EPB41L4B: variants seen among roughly 807,000 people sequenced by gnomAD.
EPB41L4B encodes the protein erythrocyte membrane protein band 4.1 like 4B, also known as band 4.1-like protein 4B.
A neutral mutation model predicts 112.5 loss-of-function variants in EPB41L4B; 30 were observed. The observed-to-expected ratio is 0.27, with a 90% CI of 0.20 to 0.36. The LOEUF (loss-of-function observed/expected upper bound fraction) is 0.36, where lower values mean the gene tolerates loss of function less well. Among genes scored for constraint, EPB41L4B ranks in the 10% least tolerant of loss-of-function variants. EPB41L4B has a pLI of 1.00. For missense variants in EPB41L4B, 1,024 were observed against 1,133.3 expected (o/e 0.90, Z 1.38); for synonymous variants, 408 against 439.7 (o/e 0.93, Z 0.90).
At chr9:109,189,651 G>A (rs565267948) in intron 22 of EPB41L4B, among the ~76,000 whole-genome samples, 16 of 151,974 alleles carry the variant, frequency 1.1e-4, no homozygotes, top group Non-Finnish European at 8.8e-5. Flanking sequence ...TTTTGGAGAC[G>A]GAGTTTCACT....
intron 24 of EPB41L4B, among the ~76,000 whole-genome samples, chr9:109,180,396 C>T (rs1446389494): frequency 2.0e-5 from 3 of 152,140 alleles, no homozygotes; most frequent in Admixed American, 1.3e-4. Flanking sequence ...GAGGTGGAGC[C>T]GGAGCTTCCA....
At chr9:109,181,888 A>G (rs1832071002) in intron 24 of EPB41L4B, among the ~76,000 whole-genome samples, 1 of 152,090 alleles carries the variant, frequency 6.6e-6, no homozygotes, top group Non-Finnish European at 1.5e-5. Flanking sequence ...TGCAGTATAT[A>G]GATACAATGG....
At chr9:109,240,260 T>C (rs1834306861) in intron 15 of EPB41L4B, 1 of 985,056 alleles carries the variant, frequency 1.0e-6, no homozygotes, top group Non-Finnish European at 1.2e-6. Flanking sequence ...GCACATACAC[T>C]GAGCATCAGA....
rs533151156 is a variant in EPB41L4B at position 109,216,445 on chromosome 9, A to G, written c.1633+477T>C. ...CACCTGAAGTCAGGAGTTTGAGACC[A>G]GCCTGGCCAACATAGTCAAAATCTG... On this transcript the variant is annotated intron_variant, in intron 16 of 25. Coordinates refer to ENST00000374566, the MANE Select transcript of EPB41L4B (RefSeq NM_019114.5). 3.3e-5 allele frequency among the ~76,000 whole-genome samples: 5 copies of G among 152,318 alleles called. No individual in the cohort carries two copies. In the South Asian group the frequency reaches 1.0e-3, roughly 32 times the overall value.
intron 15 of EPB41L4B, among the ~76,000 whole-genome samples, chr9:109,229,410 T>C (rs1416119233): frequency 6.6e-6 from 1 of 152,172 alleles, no homozygotes; most frequent in Non-Finnish European, 1.5e-5. Context: ...GGAAATGCAA[T>C]GAACTTCCCC....
intron 17 of EPB41L4B, among the ~76,000 whole-genome samples, chr9:109,212,445 C>A (rs569337213): frequency 1.3e-5 from 2 of 152,038 alleles, no homozygotes; most frequent in Admixed American, 1.3e-4. Flanking sequence ...TTCTCTCTAG[C>A]TGGCAATCAT....
chr9:109,306,329 G>A (rs1476065730), intron 1 of EPB41L4B, among the ~76,000 whole-genome samples: 1 of 152,032 alleles, frequency 6.6e-6, no homozygotes, highest in Non-Finnish European at 1.5e-5. Context: ...AAAACATTCT[G>A]GGCCAGGCGT....
At chr9:109,183,293 T>C (rs112799892) in intron 23 of EPB41L4B, among the ~76,000 whole-genome samples, 1,903 of 152,260 alleles carry the variant, frequency 0.012, 16 homozygotes, top group Middle Eastern at 0.041. Context: ...TAGAAAGTAT[T>C]CCCTGTCTAA....
At chr9:109,209,991 C>T (rs1284710195) in intron 17 of EPB41L4B, among the ~76,000 whole-genome samples, 1 of 152,072 alleles carries the variant, frequency 6.6e-6, no homozygotes, top group Non-Finnish European at 1.5e-5. Flanking sequence ...GAATCTGTTT[C>T]TTTCTTCATA....
rs199655469 is a variant in EPB41L4B at position 109,241,785 on chromosome 9, C to A, written c.1409+1833G>T. ...CTCCACTGGCCGATGCTTTCCAATG[C>A]GACCTGTCATCCTGAAAGGATGGCC... On this transcript the variant is annotated intron_variant, in intron 15 of 25. Transcript: ENST00000374566. The A allele has an allele frequency of 6.2e-6, 10 of 1,614,000 alleles. No individual in the cohort carries two copies. In the East Asian group the frequency reaches 6.7e-5, roughly 11 times the overall value.
chr9:109,293,292 T>C (rs527475032), intron 1 of EPB41L4B, among the ~76,000 whole-genome samples: 1 of 152,186 alleles, frequency 6.6e-6, no homozygotes, highest in African/African-American at 2.4e-5. Context: ...ATTTAAAAAA[T>C]GTTTCTTCTT....
chr9:109,221,259 AAAGG>A (rs1833563147), intron 15 of EPB41L4B, among the ~76,000 whole-genome samples: 1 of 152,150 alleles, frequency 6.6e-6, no homozygotes, highest in African/African-American at 2.4e-5. Flanking sequence ...AGGAAGAATG[AAAGG>A]AAGGATGGAT....
In EPB41L4B at chr9:109,255,526, G is replaced by C; in HGVS notation, c.1154C>G (p.Ser385Cys). Reference protein sequence around the residue: ...SNRSDFIRLGSRFRFSGRTEY... With the variant: ...SNRSDFIRLGCRFRFSGRTEY... ...GGCTCCCTACCTGAATCTGAAGCGA[G>C]AGCCCAGCCTGATAAAGTCGGATCT... The change falls in exon 11 of 26, where the codon TCT becomes TGT. Residue 385 changes from serine to cysteine, a missense_variant. Physicochemically the swap from Ser to Cys is moderately radical, Grantham distance 112. Coordinates refer to ENST00000374566, the MANE Select transcript of EPB41L4B (RefSeq NM_019114.5). The C allele has an allele frequency of 6.2e-7, 1 of 1,614,130 alleles. No individual in the cohort carries two copies. Among genetic ancestry groups the C allele is most frequent in the South Asian group, 1.1e-5 (1 of 91,078 alleles).
intron 1 of EPB41L4B, among the ~76,000 whole-genome samples, chr9:109,317,310 C>T (rs1188537047): frequency 2.0e-5 from 3 of 152,174 alleles, no homozygotes; most frequent in Admixed American, 6.5e-5. Context: ...GAAGTCCTTC[C>T]GATTCCCCCA....
In EPB41L4B at chr9:109,282,651, C is replaced by T. The variant is rs1002268694; in HGVS notation, c.307-2730G>A. On this transcript the variant is annotated intron_variant, in intron 1 of 25. Transcript: ENST00000374566. Reference sequence around the variant, plus strand: ...AACCTTGCTCCCCAACCTCTCTCTCCGCAAGATTTAGCCTGTGAGAACCAC... The same window carrying T: ...AACCTTGCTCCCCAACCTCTCTCTCTGCAAGATTTAGCCTGTGAGAACCAC... 3.9e-5 allele frequency among the ~76,000 whole-genome samples: 6 copies of T among 152,108 alleles called. No homozygotes were observed. In the South Asian group the frequency reaches 8.3e-4, roughly 21 times the overall value.
At position 109,313,439 on chromosome 9, in the gene EPB41L4B, C is replaced by T. The variant is rs968223682; in HGVS notation, c.306+6702G>A. Among the ~76,000 whole-genome samples, 5 of 152,128 alleles carry T rather than the reference C, an allele frequency of 3.3e-5. No individual in the cohort carries two copies. The East Asian group carries it at 7.7e-4, about 23-fold the overall frequency. On this transcript the variant is annotated intron_variant, in intron 1 of 25. Coordinates refer to ENST00000374566, the MANE Select transcript of EPB41L4B (RefSeq NM_019114.5). ...TAGAGGGATTAGGGTGGTGGGGGGG[C>T]ACACCAGGATGCTGCCCGGCTCCAG...
At chr9:109,294,915 G>C (rs1836678742) in intron 1 of EPB41L4B, among the ~76,000 whole-genome samples, 1 of 152,078 alleles carries the variant, frequency 6.6e-6, no homozygotes, top group African/African-American at 2.4e-5. Context: ...GGGATTGGAG[G>C]GTGTCAGCAC....
chr9:109,251,330 G>A (rs1588172396), intron 13 of EPB41L4B, 151 bp downstream of exon 13: 1 of 745,018 alleles, frequency 1.3e-6, no homozygotes, highest in East Asian at 2.5e-5. Flanking sequence ...TGAAAGCCAT[G>A]AGCATGGAAT....
chr9:109,214,759 G>A (rs1833303243), intron 16 of EPB41L4B, among the ~76,000 whole-genome samples: 1 of 152,152 alleles, frequency 6.6e-6, no homozygotes, highest in Non-Finnish European at 1.5e-5. Context: ...CTTGGCAGGG[G>A]TCAGGATACG....
Sources: allele counts gnomAD v4.1 joint callset (sites outside exome capture counted in the v4.1 genomes callset), GRCh38; gene constraint gnomAD v4.1.1; transcripts MANE v1.5; gene names NCBI Gene and HGNC (gene_info 2026-07-23, HGNC 2026-07-21).